The following SHLD2 variants were observed in gnomAD, a reference collection of about 807,000 sequenced individuals.
The protein encoded by SHLD2 is shieldin complex subunit 2, also known as RINN1-REV7-interacting novel NHEJ regulator 2.
SHLD2 carries 30 observed loss-of-function variants against 73.2 expected under a neutral mutation model. The ratio of observed to expected loss-of-function variants is 0.41; its 90% confidence interval spans 0.31 to 0.56. The LOEUF is 0.56. Ranked by LOEUF, SHLD2 falls within the 20% of genes least tolerant of loss-of-function variation. SHLD2 has a pLI of 0.28. For missense variants in SHLD2, 745 were observed against 1,055.9 expected (o/e 0.71, Z 4.08); for synonymous variants, 285 against 370.1 (o/e 0.77, Z 2.64).
upstream of SHLD2, chr10:87,094,918 C>G (rs1242022231): frequency 2.2e-6 from 1 of 451,066 alleles, no homozygotes; most frequent in Non-Finnish European, 3.8e-6. The surrounding 1 kb of genome is among the most constrained non-coding windows in gnomAD (Gnocchi z 6.6). Context: ...CTCGGGCGCT[C>G]GCCACCTAAC....
chr10:87,170,347 A>G, intron 4 of SHLD2, 131 bp from the exon 5 acceptor site: 1 of 624,060 alleles, frequency 1.6e-6, no homozygotes, highest in Non-Finnish European at 2.6e-6. Flanking sequence ...TACATGTTTT[A>G]GAGAAAGCAA....
At chr10:87,114,973 A>G (rs1180809418) in intron 2 of SHLD2, among the ~76,000 whole-genome samples, 3 of 152,188 alleles carry the variant, frequency 2.0e-5, no homozygotes, top group Admixed American at 6.5e-5. Flanking sequence ...GTTTGTCCAA[A>G]TGGGGTTGCC....
chr10:87,117,862 TTTTG>T (rs1156305118), intron 2 of SHLD2, among the ~76,000 whole-genome samples: 1 of 151,962 alleles, frequency 6.6e-6, no homozygotes, highest in Non-Finnish European at 1.5e-5. Flanking sequence ...TTTCGAAGAG[TTTTG>T]TTTGTTTTAA....
intron 2 of SHLD2, among the ~76,000 whole-genome samples, chr10:87,132,745 G>T (rs1844517594): frequency 6.6e-6 from 1 of 152,130 alleles, no homozygotes; most frequent in Non-Finnish European, 1.5e-5. Flanking sequence ...CTGCACTCCA[G>T]CCTGGGCAAC....
intron 2 of SHLD2, among the ~76,000 whole-genome samples, chr10:87,144,616 ATTTTTTTTTTTT>A (rs548218721): frequency 0.15 from 13,922 of 90,024 alleles, 800 homozygotes; most frequent in Admixed American, 0.23. Flanking sequence ...GCATTTACTA[ATTTTTTTTTTTT>A]TTTTTTTTTT....
intron 4 of SHLD2, among the ~76,000 whole-genome samples, chr10:87,158,483 C>T (rs538178829): frequency 6.6e-6 from 1 of 152,214 alleles, no homozygotes; most frequent in South Asian, 2.1e-4. Context: ...TGTAGATAGG[C>T]ACAAAATTTT....
Position 87,151,983 on chromosome 10 carries a change from G to A in SHLD2, c.629G>A (p.Cys210Tyr). ...GAATATCATGAAATACAAAACCAGT[G>A]TTTGGGATTATTTTCCTCGAACGCA... ...PTEYHEIQNQ[C>Y]LGLFSSNAVD... is the part of the protein sequence containing the mutation. Residue 210 changes from cysteine (C) to tyrosine (Y), a missense_variant, in exon 3 of 10, where the codon TGT (cysteine) becomes TAT (tyrosine). Around this residue, in one of 5 missense-constraint regions of SHLD2, gnomAD observed 280 missense variants for 353.9 expected, o/e 0.79. Transcript: ENST00000298786. 6.2e-7 allele frequency: 1 copy of A among 1,611,906 alleles called. No homozygotes were observed. Among genetic ancestry groups the A allele is most frequent in the Non-Finnish European group, 8.5e-7 (1 of 1,179,808 alleles).
At chr10:87,150,339 C>T (rs1845925503) in intron 2 of SHLD2, among the ~76,000 whole-genome samples, 1 of 152,052 alleles carries the variant, frequency 6.6e-6, no homozygotes. Context: ...GCTGCGATTA[C>T]AGGCATGAAC....
intron 4 of SHLD2, among the ~76,000 whole-genome samples, chr10:87,170,075 C>T (rs1025890651): frequency 6.6e-5 from 10 of 152,204 alleles, no homozygotes; most frequent in African/African-American, 2.4e-4. Flanking sequence ...TGAGGAAGAA[C>T]GGCAGAGGAT....
chr10:87,134,961 A>C (rs1447997727), intron 2 of SHLD2, among the ~76,000 whole-genome samples: 2 of 152,222 alleles, frequency 1.3e-5, no homozygotes, highest in Non-Finnish European at 2.9e-5. Flanking sequence ...AGGAGAATCT[A>C]GCAAACCAAA....
rs1179762486 is a variant in SHLD2 at position 87,127,537 on chromosome 10, C to G, written c.-5-23813C>G. On this transcript the variant is annotated intron_variant, in intron 2 of 9. Coordinates refer to ENST00000298786, the MANE Select transcript of SHLD2 (RefSeq NM_001330112.2). ...TTTTGTCCCTCTTACCCGCCCCCCCCCACCCCGTCTGCCACCCCCCGCCTC... is the reference window on the plus strand; with the variant it reads ...TTTTGTCCCTCTTACCCGCCCCCCCGCACCCCGTCTGCCACCCCCCGCCTC... Among the ~76,000 whole-genome samples the G allele has an allele frequency of 2.6e-4, 20 of 76,840 alleles. 2 individuals are homozygous for G. Among genetic ancestry groups the G allele is most frequent in the Admixed American group, 1.1e-3 (8 of 7,086 alleles). The allele number at this position is 76,840 out of a possible 152,430, so 50.4% of individuals were successfully genotyped here.
intron 2 of SHLD2, among the ~76,000 whole-genome samples, chr10:87,125,319 T>G (rs866803892): frequency 2.1e-4 from 32 of 152,250 alleles, no homozygotes; most frequent in Admixed American, 6.5e-4. Flanking sequence ...TCAAATTTTT[T>G]TTTAGAGTAA....
Position 87,151,431 on chromosome 10 carries a change from C to T in SHLD2, c.77C>T (p.Thr26Ile), listed in dbSNP as rs1846004090. 12 of 1,608,046 alleles carry T rather than the reference C, an allele frequency of 7.5e-6. No individual in the cohort carries two copies. Among genetic ancestry groups the T allele is most frequent in the Non-Finnish European group, 1.0e-5 (12 of 1,178,568 alleles). ...CTGAAAATCACAGTATCAGAAGACA[C>T]AGCTTCTTTAATGTCTGTTGCTGAC... ...APLKITVSED[T>I]ASLMSVADPW... The change falls in exon 3 of 10, where the codon ACA becomes ATA. Residue 26 changes from threonine to isoleucine, a missense_variant. Physicochemically the swap from Thr to Ile is moderately conservative, Grantham distance 89. Around this residue, in one of 5 missense-constraint regions of SHLD2, gnomAD observed 280 missense variants for 353.9 expected, o/e 0.79. Transcript: ENST00000298786.
chr10:87,180,207 G>T lies in SHLD2; in HGVS notation c.2303G>T (p.Cys768Phe). The change falls in exon 8 of 10, where the codon TGT (cysteine) becomes TTT (phenylalanine). Residue 768 changes from cysteine to phenylalanine, a missense_variant. Cys to Phe is a radical substitution (Grantham distance 205, BLOSUM62 -2). Transcript: ENST00000298786. Reference sequence around the variant, plus strand: ...CTTCCCAACATCGTATATACTGGTTGTGCAAAATGTGGATTGGAACTAGAA... The same window carrying T: ...CTTCCCAACATCGTATATACTGGTTTTGCAAAATGTGGATTGGAACTAGAA... ...SSLPNIVYTG[C>F]AKCGLELETD... 1 of 1,611,662 alleles carries T rather than the reference G, an allele frequency of 6.2e-7. No homozygotes were observed. Among genetic ancestry groups the T allele is most frequent in the Non-Finnish European group, 8.5e-7 (1 of 1,177,950 alleles).
Position 87,152,518 on chromosome 10 carries a change from G to A in SHLD2, c.1164G>A (p.Gln388=). The A allele has an allele frequency of 6.2e-7, 1 of 1,611,970 alleles. No individual in the cohort carries two copies. Among genetic ancestry groups the A allele is most frequent in the East Asian group, 2.2e-5 (1 of 44,860 alleles). The change falls in exon 3 of 10, where the codon CAG becomes CAA. Residue 388 remains glutamine, a synonymous_variant. Coordinates refer to ENST00000298786, the MANE Select transcript of SHLD2 (RefSeq NM_001330112.2). ...RSCTSEDKVG[Q]SEALSRVLQV... ...GTACCTCTGAAGATAAAGTGGGCCA[G>A]TCTGAAGCTCTATCTAGAGTCCTTC...
At chr10:87,121,891 A>G (rs1401511045) in intron 2 of SHLD2, among the ~76,000 whole-genome samples, 1 of 151,430 alleles carries the variant, frequency 6.6e-6, no homozygotes, top group Non-Finnish European at 1.5e-5. Flanking sequence ...CAGCCTCCCA[A>G]GTAGCTGGGA....
chr10:87,120,723 C>T (rs1414239280), intron 2 of SHLD2, among the ~76,000 whole-genome samples: 2 of 152,056 alleles, frequency 1.3e-5, no homozygotes, highest in East Asian at 1.9e-4. Context: ...TTAATGTTTG[C>T]GAAGTAAACT....
chr10:87,121,770 T>C (rs113585108), intron 2 of SHLD2, among the ~76,000 whole-genome samples: 10 of 150,788 alleles, frequency 6.6e-5, no homozygotes, highest in African/African-American at 2.4e-4. Flanking sequence ...TTCTTTTTTT[T>C]TTTTTTTTTT....
intron 2 of SHLD2, among the ~76,000 whole-genome samples, chr10:87,110,405 C>T (rs571920092): frequency 6.6e-6 from 1 of 152,166 alleles, no homozygotes. Context: ...GTCAAGAGTT[C>T]GAGATCAGCC....
Sources: gnomAD v4.1 joint callset for allele counts (sites outside exome capture counted in the v4.1 genomes callset) on GRCh38, gnomAD v4.1.1 for gene constraint, gnomAD v4.1.1 regional missense constraint, Gnocchi (gnomAD v3.1) non-coding constraint, MANE v1.5 for transcripts, NCBI Gene and HGNC (gene_info 2026-07-23, HGNC 2026-07-21) for gene names.